The following XXYLT1 variants were observed in gnomAD, a reference collection of about 807,000 sequenced individuals.
XXYLT1 encodes UDP-xylose:alpha-xyloside alpha-1,3-xylosyltransferase.
In XXYLT1, 20 loss-of-function variants were observed where a neutral mutation model predicts 28.9. The ratio of observed to expected loss-of-function variants is 0.69; its 90% CI spans 0.49 to 1.00. The LOEUF (loss-of-function observed/expected upper bound fraction) is 1.00. Ranked by LOEUF, XXYLT1 falls within the 50% of genes least tolerant of loss-of-function variation. XXYLT1 has a pLI of 0.00. For synonymous variants in XXYLT1, 257 were observed against 253.8 expected (o/e 1.01, Z -0.12); for missense variants, 542 against 560.1 (o/e 0.97, Z 0.33).
At chr3:195,136,466 G>C (rs528181702) in intron 3 of XXYLT1, among the ~76,000 whole-genome samples, 1 of 152,296 alleles carries the variant, frequency 6.6e-6, no homozygotes, top group East Asian at 1.9e-4. Flanking sequence ...CAGGACCTCA[G>C]GGGCAGAGGG....
intron 3 of XXYLT1, among the ~76,000 whole-genome samples, chr3:195,125,406 TC>T (rs1718565616): frequency 6.6e-6 from 1 of 152,208 alleles, no homozygotes; most frequent in African/African-American, 2.4e-5. Context: ...GAGCAGGCTC[TC>T]CTTAGGTAGG....
At chr3:195,071,272 A>G (rs923955557) in intron 3 of XXYLT1, among the ~76,000 whole-genome samples, 1 of 152,114 alleles carries the variant, frequency 6.6e-6, no homozygotes, top group Admixed American at 6.5e-5. Context: ...CAGCCTGGAG[A>G]TGCTGCCCCA....
At chr3:195,245,097 C>T (rs764151849) in intron 1 of XXYLT1, among the ~76,000 whole-genome samples, 14 of 150,072 alleles carry the variant, frequency 9.3e-5, no homozygotes, top group Non-Finnish European at 1.9e-4. Context: ...ACCTGGGAGA[C>T]GGAGGTTGCA....
intron 3 of XXYLT1, among the ~76,000 whole-genome samples, chr3:195,130,850 T>C (rs575232807): frequency 4.0e-4 from 61 of 152,286 alleles, no homozygotes; most frequent in African/African-American, 1.5e-3. Flanking sequence ...AAGATCAGCT[T>C]GAGGCCAGAT....
chr3:195,136,663 T>A (rs1005152364), intron 3 of XXYLT1, among the ~76,000 whole-genome samples: 4 of 152,148 alleles, frequency 2.6e-5, no homozygotes, highest in Non-Finnish European at 5.9e-5. Context: ...TTGCACACAG[T>A]TGAGCACCGT....
At chr3:195,236,206 C>T (rs1373607503) in intron 1 of XXYLT1, among the ~76,000 whole-genome samples, 1 of 152,108 alleles carries the variant, frequency 6.6e-6, no homozygotes, top group East Asian at 1.9e-4. Flanking sequence ...GGGCCCCAGG[C>T]AGGTCCAGAG....
intron 3 of XXYLT1, among the ~76,000 whole-genome samples, chr3:195,123,370 G>A (rs1055616520): frequency 3.3e-5 from 5 of 152,116 alleles, no homozygotes; most frequent in Non-Finnish European, 5.9e-5. Context: ...GCCGGCTGAC[G>A]GAATTACAGA....
At chr3:195,104,532 T>C (rs1716983754) in intron 3 of XXYLT1, among the ~76,000 whole-genome samples, 1 of 152,156 alleles carries the variant, frequency 6.6e-6, no homozygotes, top group Admixed American at 6.5e-5. Context: ...ATGTGTTCAC[T>C]GAGCAGGGGA....
At chr3:195,100,058 T>TTGGAACTTCCAAATTTGAAAATC (rs1716690595) in intron 3 of XXYLT1, among the ~76,000 whole-genome samples, 1 of 152,082 alleles carries the variant, frequency 6.6e-6, no homozygotes. Context: ...TAGTGGAAAT[T>TTGGAACTTCCAAATTTGAAAATC]TGGAACTTCC....
At chr3:195,084,532 G>T (rs1347436813) in intron 3 of XXYLT1, among the ~76,000 whole-genome samples, 1 of 152,240 alleles carries the variant, frequency 6.6e-6, no homozygotes, top group African/African-American at 2.4e-5. Flanking sequence ...CGAGATGGCA[G>T]CCTCAGTGTA....
At chr3:195,134,767 C>G (rs1353078413) in intron 3 of XXYLT1, among the ~76,000 whole-genome samples, 1 of 151,754 alleles carries the variant, frequency 6.6e-6, no homozygotes, top group Non-Finnish European at 1.5e-5. Context: ...GGAAGCCTGG[C>G]AGAGAGGAAA....
intron 2 of XXYLT1, among the ~76,000 whole-genome samples, chr3:195,224,321 T>A (rs1301410321): frequency 6.6e-6 from 1 of 152,214 alleles, no homozygotes; most frequent in Non-Finnish European, 1.5e-5. Flanking sequence ...GGGACACCAA[T>A]GATGCGTCCA....
At chr3:195,226,877 A>G (rs1231544501) in intron 1 of XXYLT1, 21 bp from the exon 2 acceptor site, 2 of 1,611,140 alleles carry the variant, frequency 1.2e-6, no homozygotes, top group African/African-American at 2.7e-5. Flanking sequence ...TGCAAAAAAA[A>G]CCAAGGCTCA....
chr3:195,201,960 T>TA (rs1722868294), intron 2 of XXYLT1, among the ~76,000 whole-genome samples: 1 of 152,100 alleles, frequency 6.6e-6, no homozygotes, highest in Non-Finnish European at 1.5e-5. Flanking sequence ...GGGCGGATCA[T>TA]GAGGTCAGAA....
chr3:195,107,298 A>C (rs1011246151), intron 3 of XXYLT1, among the ~76,000 whole-genome samples: 13 of 151,304 alleles, frequency 8.6e-5, no homozygotes, highest in Non-Finnish European at 1.8e-4. Flanking sequence ...AGATGGCGAA[A>C]CCTCGCCTCT....
At position 195,195,692 on chromosome 3, in the gene XXYLT1, G is replaced by C. The variant is rs2108757215; in HGVS notation, c.652+31017C>G. 6.6e-6 allele frequency among the ~76,000 whole-genome samples: 1 copy of C among 152,280 alleles called. No homozygotes were observed. The highest frequency in any genetic ancestry group is 2.1e-4 in the South Asian group (1 of 4,816). On this transcript the variant is annotated intron_variant, in intron 2 of 3. Transcript: ENST00000310380. This position sits in a 1 kb window ranked among gnomAD's most constrained non-coding sequence, Gnocchi z 4.4. ...CCAGCCCGGGAACTCCATTCATACA[G>C]CTCTCAGGAACAGCTCGGAGGGCCC...
intron 3 of XXYLT1, among the ~76,000 whole-genome samples, chr3:195,123,486 C>T (rs997050704): frequency 2.0e-5 from 3 of 152,148 alleles, no homozygotes; most frequent in African/African-American, 7.2e-5. Context: ...GGTGATATAA[C>T]AGAGAAGGCC....
Position 195,215,236 on chromosome 3 carries a change from A to G in XXYLT1, c.652+11473T>C, listed in dbSNP as rs549987933. On this transcript the variant is annotated intron_variant, in intron 2 of 3. Coordinates refer to ENST00000310380, the MANE Select transcript of XXYLT1 (RefSeq NM_152531.5). ...AAAATCATGCCAAAATGTAAAGACC[A>G]TCGAGACTAGGAAGAAACTCCATCA... 2.6e-3 allele frequency among the ~76,000 whole-genome samples: 396 copies of G among 149,752 alleles called. 1 individual carries two copies. The highest frequency in any genetic ancestry group is 7.2e-3 in the Middle Eastern group (2 of 278).
Position 195,217,785 on chromosome 3 carries a change from A to C in XXYLT1, c.652+8924T>G, listed in dbSNP as rs199630527. On this transcript the variant is annotated intron_variant, in intron 2 of 3. Transcript: ENST00000310380. ...TGCCATCCCCATCAAGCTACCAATGACTTTCTTCACAGAATTGGAAAAAAC... is the reference window on the plus strand; with the variant it reads ...TGCCATCCCCATCAAGCTACCAATGCCTTTCTTCACAGAATTGGAAAAAAC... 4.0e-3 allele frequency among the ~76,000 whole-genome samples: 601 copies of C among 150,988 alleles called. 9 individuals are homozygous for C. Among genetic ancestry groups the C allele is most frequent in the Admixed American group, 0.026 (398 of 15,156 alleles).
Sources: gnomAD v4.1 joint callset for allele counts (sites outside exome capture counted in the v4.1 genomes callset) on GRCh38, gnomAD v4.1.1 for gene constraint, Gnocchi (gnomAD v3.1) non-coding constraint, MANE v1.5 for transcripts, NCBI Gene and HGNC (gene_info 2026-07-23, HGNC 2026-07-21) for gene names.